The following TTC28 variants were observed in gnomAD, a reference collection of about 807,000 sequenced individuals.
TTC28 encodes tetratricopeptide repeat domain 28.
In TTC28, 61 loss-of-function variants were observed where a neutral mutation model predicts 198.0. The observed-to-expected ratio is 0.31, with a 90% CI of 0.25 to 0.38. The LOEUF (loss-of-function observed/expected upper bound fraction) is 0.38. TTC28 is among the 10% of genes least tolerant of loss of function. The pLI is 1.00. For missense variants in TTC28, 2,678 were observed against 3,164.0 expected (o/e 0.85, Z 3.69); for synonymous variants, 1,171 against 1,297.8 (o/e 0.90, Z 2.10).
At chr22:28,509,458 GA>G (rs1271461122) in intron 2 of TTC28, among the ~76,000 whole-genome samples, 1 of 152,112 alleles carries the variant, frequency 6.6e-6, no homozygotes, top group Non-Finnish European at 1.5e-5. Context: ...AACTAAGAAA[GA>G]AATCAAGAAG....
intron 5 of TTC28, among the ~76,000 whole-genome samples, chr22:28,192,045 G>C (rs1025374634): frequency 2.6e-5 from 4 of 152,212 alleles, no homozygotes; most frequent in Non-Finnish European, 5.9e-5. Flanking sequence ...CCCCCAGTAG[G>C]GGCAGACTGA....
intron 2 of TTC28, among the ~76,000 whole-genome samples, chr22:28,451,595 G>C (rs576198754): frequency 1.3e-4 from 20 of 152,106 alleles, no homozygotes; most frequent in Non-Finnish European, 2.9e-4. Context: ...ATGTTAACAA[G>C]AAAAAGAAAT....
chr22:28,534,271 T>G (rs1318384096), intron 2 of TTC28, among the ~76,000 whole-genome samples: 2 of 152,290 alleles, frequency 1.3e-5, no homozygotes, highest in East Asian at 3.9e-4. Context: ...CAGACACTTC[T>G]CAAAAGAAGA....
intron 2 of TTC28, among the ~76,000 whole-genome samples, chr22:28,405,431 A>G (rs1351584979): frequency 6.6e-6 from 1 of 152,240 alleles, no homozygotes. Flanking sequence ...AAGCATTTAT[A>G]AATGTGCATA....
chr22:28,611,561 GGTTA>G (rs2050820381), intron 2 of TTC28, among the ~76,000 whole-genome samples: 1 of 146,236 alleles, frequency 6.8e-6, no homozygotes, highest in African/African-American at 2.5e-5. Flanking sequence ...ACATTGTGCA[GGTTA>G]GTTACATATG....
chr22:28,333,521 C>A (rs1216864344), intron 2 of TTC28, among the ~76,000 whole-genome samples: 1 of 152,030 alleles, frequency 6.6e-6, no homozygotes, highest in African/African-American at 2.4e-5. Flanking sequence ...CTCTATGATG[C>A]CAGGGAGTAA....
At position 28,163,122 on chromosome 22, in the gene TTC28, C is replaced by G; in HGVS notation, c.1411G>C (p.Ala471Pro). The G allele has an allele frequency of 6.4e-7, 1 of 1,551,444 alleles. No homozygotes were observed. The highest frequency in any genetic ancestry group is 8.7e-7 in the Non-Finnish European group (1 of 1,146,882). ...LGIAEDLKDR[A>P]AEGRASSNLG... ...TTGGAGGATGCTCGCCCCTCTGCAG[C>G]CCGGTCCTTGAGATCCTCAGCAATG... The change falls in exon 6 of 23, where the codon GCT (alanine) becomes CCT (proline). Residue 471 changes from alanine to proline, a missense_variant. Physicochemically the swap from Ala to Pro is conservative, Grantham distance 27. This residue lies in a region of TTC28 where 775 missense variants were observed against 845.9 expected (regional missense o/e 0.92). Coordinates refer to ENST00000397906, the MANE Select transcript of TTC28 (RefSeq NM_001145418.2).
At chr22:28,483,389 T>G (rs1228869469) in intron 2 of TTC28, among the ~76,000 whole-genome samples, 1 of 152,080 alleles carries the variant, frequency 6.6e-6, no homozygotes. Context: ...CTCTGAAACA[T>G]GAACAGTATG....
At chr22:28,585,055 A>G (rs2050293704) in intron 2 of TTC28, among the ~76,000 whole-genome samples, 1 of 152,154 alleles carries the variant, frequency 6.6e-6, no homozygotes, top group Non-Finnish European at 1.5e-5. Context: ...AATTTGAAAT[A>G]AGGACCAGGC....
Position 27,982,219 on chromosome 22 carries a change from C to T in TTC28, c.*2G>A. 2 of 1,464,790 alleles carry T rather than the reference C, an allele frequency of 1.4e-6. No individual in the cohort carries two copies. Among genetic ancestry groups the T allele is most frequent in the Non-Finnish European group, 9.0e-7 (1 of 1,107,924 alleles). The allele number at this position is 1,464,790 out of a possible 1,614,324, so 90.7% of individuals were successfully genotyped here. On this transcript the variant is annotated 3_prime_UTR_variant, in exon 23 of 23. Transcript: ENST00000397906. The surrounding 1 kb of genome is among the most constrained non-coding windows in gnomAD (Gnocchi z 5.2). ...TCAGAGTCAGTGGGTATAAAAGATG[C>T]TTTAGCATTTGGAAGAAGGGAAAAA...
intron 6 of TTC28, among the ~76,000 whole-genome samples, chr22:28,124,567 T>C (rs1336541773): frequency 6.6e-6 from 1 of 152,204 alleles, no homozygotes; most frequent in East Asian, 1.9e-4. Flanking sequence ...GAACTTGCCG[T>C]AGGTCACACA....
intron 6 of TTC28, among the ~76,000 whole-genome samples, chr22:28,113,189 T>A (rs939212063): frequency 2.8e-4 from 43 of 152,196 alleles, no homozygotes; most frequent in Non-Finnish European, 1.5e-5. Flanking sequence ...TTTTCTCTTA[T>A]GAATTTTGTG....
chr22:28,282,520 C>A (rs1379528992), intron 5 of TTC28, among the ~76,000 whole-genome samples: 1 of 152,168 alleles, frequency 6.6e-6, no homozygotes, highest in Non-Finnish European at 1.5e-5. Flanking sequence ...GATTGGGAAA[C>A]CAAATTTTTT....
At chr22:28,066,301 TGTG>T (rs1569117033) in intron 12 of TTC28, among the ~76,000 whole-genome samples, 6 of 150,822 alleles carry the variant, frequency 4.0e-5, no homozygotes, top group African/African-American at 9.9e-5. Context: ...TGTGTGTGTG[TGTG>T]GTGTGTGTGT....
At chr22:28,487,127 A>G (rs1434792411) in intron 2 of TTC28, among the ~76,000 whole-genome samples, 1 of 152,124 alleles carries the variant, frequency 6.6e-6, no homozygotes, top group East Asian at 1.9e-4. Flanking sequence ...TCCTTTGGAC[A>G]TAAGCACTTT....
intron 2 of TTC28, among the ~76,000 whole-genome samples, chr22:28,621,473 A>C (rs990788136): frequency 6.6e-6 from 1 of 151,984 alleles, no homozygotes; most frequent in African/African-American, 2.4e-5. Context: ...CCAGCACTTC[A>C]GGAGGCCAAG....
At chr22:28,256,787 T>G (rs1441178140) in intron 5 of TTC28, among the ~76,000 whole-genome samples, 4 of 152,168 alleles carry the variant, frequency 2.6e-5, no homozygotes, top group Non-Finnish European at 5.9e-5. Flanking sequence ...TGCCGTAATC[T>G]CAGCATTTTG....
At chr22:28,018,491 C>T (rs1458233069) in intron 13 of TTC28, among the ~76,000 whole-genome samples, 1 of 152,202 alleles carries the variant, frequency 6.6e-6, no homozygotes, top group Non-Finnish European at 1.5e-5. Flanking sequence ...GGCTAGCCGC[C>T]CAGCCCCGCA....
chr22:28,130,104 A>G (rs1442831318), intron 6 of TTC28, among the ~76,000 whole-genome samples: 1 of 152,230 alleles, frequency 6.6e-6, no homozygotes, highest in Non-Finnish European at 1.5e-5. Context: ...AAAACCTACA[A>G]AAGAACCACC....
Sources: gnomAD v4.1 joint callset for allele counts (sites outside exome capture counted in the v4.1 genomes callset) on GRCh38, gnomAD v4.1.1 for gene constraint, gnomAD v4.1.1 regional missense constraint, Gnocchi (gnomAD v3.1) non-coding constraint, MANE v1.5 for transcripts, NCBI Gene and HGNC (gene_info 2026-07-23, HGNC 2026-07-21) for gene names.